The following NEBL variants were observed in gnomAD, a reference collection of about 807,000 sequenced individuals.
The protein encoded by NEBL is nebulette.
NEBL carries 122 observed loss-of-function variants against 140.2 expected under a neutral mutation model. That is an observed-to-expected ratio of 0.87 (90% confidence interval 0.75 to 1.01). The LOEUF is 1.01. NEBL is among the 50% of genes least tolerant of loss of function. The pLI is 0.00. For synonymous variants in NEBL, 436 were observed against 398.9 expected (o/e 1.09, Z -1.11); for missense variants, 1,365 against 1,231.3 (o/e 1.11, Z -1.62).
chr10:21,069,120 C>G (rs1028067544), intron 2 of NEBL, among the ~76,000 whole-genome samples: 4 of 152,156 alleles, frequency 2.6e-5, no homozygotes, highest in Non-Finnish European at 5.9e-5. Flanking sequence ...AACTCCTGGG[C>G]TCAGGTGATC....
intron 17 of NEBL, 74 bp downstream of exon 17, chr10:20,828,456 A>C: frequency 1.1e-6 from 1 of 939,846 alleles, no homozygotes; most frequent in Non-Finnish European, 1.7e-6. Context: ...AACATCAGAC[A>C]ATGAGGAAAA....
At chr10:21,053,599 T>C (rs1487273177) in intron 2 of NEBL, among the ~76,000 whole-genome samples, 1 of 152,222 alleles carries the variant, frequency 6.6e-6, no homozygotes, top group Non-Finnish European at 1.5e-5. Flanking sequence ...ATAAGCCTCA[T>C]CCAATGTTCC....
intron 4 of NEBL, among the ~76,000 whole-genome samples, chr10:20,936,314 C>T (rs7098616): frequency 0.18 from 27,577 of 151,994 alleles, 3,086 homozygotes; most frequent in African/African-American, 0.32. Context: ...CTATTTCCTA[C>T]GGTAAAAGGG....
rs1412068353 is a variant in NEBL, at chr10:21,124,400, G to A, written c.164+47983C>T. 4.6e-5 allele frequency among the ~76,000 whole-genome samples: 7 copies of A among 152,168 alleles called. No homozygotes were observed. The East Asian group carries it at 1.3e-3, about 29-fold the overall frequency. On this transcript the variant is annotated intron_variant, in intron 2 of 6. Coordinates refer to the NEBL transcript ENST00000417816. ...GCTAACAATATCTTCTCCTCCACTT[G>A]CTGAACCATTATAATCAGGCCTGGG...
intron 3 of NEBL, among the ~76,000 whole-genome samples, chr10:21,008,174 A>T (rs1681167731): frequency 6.6e-6 from 1 of 152,208 alleles, no homozygotes; most frequent in Admixed American, 6.5e-5. Context: ...AAATGTATGT[A>T]AAAACATGCA....
intron 16 of NEBL, among the ~76,000 whole-genome samples, chr10:20,829,658 C>A (rs958385093): frequency 6.6e-6 from 1 of 152,010 alleles, no homozygotes; most frequent in East Asian, 1.9e-4. Context: ...ATTACACCCT[C>A]GTAAGTATCC....
At chr10:21,049,666 A>C (rs643674) in intron 2 of NEBL, among the ~76,000 whole-genome samples, 91,937 of 151,808 alleles carry the variant, frequency 0.61, 27,933 homozygotes, top group East Asian at 0.72. Context: ...GCCCACCCTG[A>C]CCCCGTTCCT....
intron 2 of NEBL, among the ~76,000 whole-genome samples, chr10:21,081,352 T>A (rs1360413871): frequency 6.6e-6 from 1 of 152,160 alleles, no homozygotes; most frequent in African/African-American, 2.4e-5. Flanking sequence ...GGAAAGGCAG[T>A]CAGCCATGGG....
At chr10:20,930,615 C>G (rs1455791196) in intron 4 of NEBL, among the ~76,000 whole-genome samples, 1 of 152,194 alleles carries the variant, frequency 6.6e-6, no homozygotes, top group African/African-American at 2.4e-5. Flanking sequence ...CTCAGTCCAG[C>G]TTTCTCTCCA....
intron 11 of NEBL, among the ~76,000 whole-genome samples, chr10:20,849,642 T>C (rs1449176419): frequency 2.0e-5 from 3 of 152,186 alleles, no homozygotes; most frequent in South Asian, 2.1e-4. Flanking sequence ...AAGAAGACCC[T>C]TGGCAGATGT....
At chr10:20,961,661 C>T in intron 4 of NEBL, 1 of 1,566,386 alleles carries the variant, frequency 6.4e-7, no homozygotes, top group South Asian at 1.1e-5. Flanking sequence ...ATTGAATAAA[C>T]AGGCACCTAC....
chr10:20,975,522 G>T (rs535352704), intron 3 of NEBL, among the ~76,000 whole-genome samples: 65 of 152,136 alleles, frequency 4.3e-4, no homozygotes, highest in Non-Finnish European at 7.9e-4. Context: ...AGCTATTATA[G>T]GGATTGTGTA....
At chr10:21,164,352 T>C (rs1247153392) in intron 2 of NEBL, among the ~76,000 whole-genome samples, 1 of 152,202 alleles carries the variant, frequency 6.6e-6, no homozygotes, top group Non-Finnish European at 1.5e-5. Flanking sequence ...TATGTCTGTA[T>C]CTCTCTTACT....
intron 3 of NEBL, among the ~76,000 whole-genome samples, chr10:20,962,257 A>T (rs997300267): frequency 2.0e-5 from 3 of 152,246 alleles, no homozygotes; most frequent in Non-Finnish European, 1.5e-5. Context: ...TTTTGAGCCT[A>T]AACTGCCCTA....
At chr10:21,121,089 A>G (rs979845928) in intron 2 of NEBL, among the ~76,000 whole-genome samples, 10 of 152,296 alleles carry the variant, frequency 6.6e-5, no homozygotes, top group Admixed American at 2.0e-4. Context: ...CAGGAGATCA[A>G]TTCTAAAGTA....
intron 4 of NEBL, among the ~76,000 whole-genome samples, chr10:20,922,935 G>A (rs1833663672): frequency 6.6e-6 from 1 of 152,214 alleles, no homozygotes; most frequent in South Asian, 2.1e-4. Context: ...GCAGAGATAA[G>A]GCAGAGGGGA....
chr10:21,067,248 G>A (rs1056091103), intron 2 of NEBL, among the ~76,000 whole-genome samples: 1 of 152,038 alleles, frequency 6.6e-6, no homozygotes, highest in Non-Finnish European at 1.5e-5. Context: ...TGAGATTACA[G>A]GTGTGAGCCA....
chr10:21,141,282 T>A (rs909994531), intron 2 of NEBL, among the ~76,000 whole-genome samples: 1 of 152,190 alleles, frequency 6.6e-6, no homozygotes, highest in East Asian at 1.9e-4. Context: ...TTCCCAGTTT[T>A]GAAAGTTATA....
At chr10:20,956,720 C>T (rs1439770823) in intron 4 of NEBL, among the ~76,000 whole-genome samples, 3 of 151,846 alleles carry the variant, frequency 2.0e-5, no homozygotes. Flanking sequence ...ACAAAATTAA[C>T]AAATAATGTA....
Sources: gnomAD v4.1 joint callset for allele counts (sites outside exome capture counted in the v4.1 genomes callset) on GRCh38, gnomAD v4.1.1 for gene constraint, MANE v1.5 for transcripts, NCBI Gene and HGNC (gene_info 2026-07-23, HGNC 2026-07-21) for gene names.